LOXHD1: variants seen among roughly 807,000 people sequenced by gnomAD.
LOXHD1 encodes the protein lipoxygenase homology domain-containing protein 1.
A neutral mutation model predicts 248.2 loss-of-function variants in LOXHD1; 205 were observed. The ratio of observed to expected loss-of-function variants is 0.83; its 90% confidence interval spans 0.74 to 0.93. The LOEUF (loss-of-function observed/expected upper bound fraction) is 0.93. LOXHD1 is among the 40% of genes least tolerant of loss of function. The probability of loss-of-function intolerance (pLI) is 0.00; values close to 1 mark genes in which losing one functional copy is unlikely to be tolerated. For synonymous variants in LOXHD1, 1,113 were observed against 1,162.8 expected (o/e 0.96, Z 0.87); for missense variants, 2,930 against 2,971.6 (o/e 0.99, Z 0.33).
intron 21 of LOXHD1, among the ~76,000 whole-genome samples, chr18:46,549,741 C>T (rs187129565): frequency 6.6e-6 from 1 of 152,208 alleles, no homozygotes; most frequent in African/African-American, 2.4e-5. Flanking sequence ...TCCCACCCAA[C>T]ATATTTGCCA....
chr18:46,515,294 C>T (rs565914598), intron 34 of LOXHD1, among the ~76,000 whole-genome samples: 1 of 152,300 alleles, frequency 6.6e-6, no homozygotes, highest in South Asian at 2.1e-4. Flanking sequence ...GTCTTTCTAT[C>T]TATCTTCCTA....
intron 4 of LOXHD1, among the ~76,000 whole-genome samples, chr18:46,635,520 C>T (rs1320618198): frequency 1.3e-5 from 2 of 152,260 alleles, no homozygotes; most frequent in East Asian, 3.9e-4. Context: ...ATCCCTGGGC[C>T]TCTGTGCACC....
chr18:46,538,491 C>A (rs1026966805), intron 25 of LOXHD1, among the ~76,000 whole-genome samples, 154 bp from the exon 26 acceptor site: 4 of 152,204 alleles, frequency 2.6e-5, no homozygotes, highest in Admixed American at 2.0e-4. Context: ...TGGACCTTCA[C>A]AAGGTTGCCT....
chr18:46,615,972 GTTTCA>G (rs2038580780), intron 5 of LOXHD1, among the ~76,000 whole-genome samples: 1 of 152,114 alleles, frequency 6.6e-6, no homozygotes, highest in South Asian at 2.1e-4. Flanking sequence ...TTGCCTTAAA[GTTTCA>G]TTTGACAGAT....
chr18:46,483,807 G>T lies in LOXHD1; in HGVS notation c.6183-62C>A, dbSNP rs767226610. The T allele has an allele frequency of 9.3e-5, 141 of 1,513,470 alleles. No individual in the cohort carries two copies. The Admixed American group carries it at 1.1e-3, about 12-fold the overall frequency. The allele number at this position is 1,513,470 out of a possible 1,614,324, so 93.8% of individuals were successfully genotyped here. ...TGCCCACTGAAGCAGGTAAGCATTT[G>T]TCGGGGGCCTGCTGCATTCCAAGCA... On this transcript the variant is annotated intron_variant, in intron 39 of 40. Transcript: ENST00000642948.
chr18:46,512,050 G>C (rs141263387), intron 34 of LOXHD1, among the ~76,000 whole-genome samples: 11 of 152,242 alleles, frequency 7.2e-5, no homozygotes, highest in African/African-American at 2.6e-4. Flanking sequence ...GAGACATTTA[G>C]TGTATAGTTT....
intron 4 of LOXHD1, among the ~76,000 whole-genome samples, chr18:46,627,251 G>C (rs890023879): frequency 6.6e-6 from 1 of 152,196 alleles, no homozygotes. Flanking sequence ...GGAAGATTGA[G>C]AACCAGATGG....
At chr18:46,535,293 A>G (rs1329142779) in intron 26 of LOXHD1, among the ~76,000 whole-genome samples, 1 of 152,168 alleles carries the variant, frequency 6.6e-6, no homozygotes, top group Non-Finnish European at 1.5e-5. Flanking sequence ...CAAGGACAAA[A>G]GAGTGTTTCC....
intron 39 of LOXHD1, among the ~76,000 whole-genome samples, 186 bp downstream of exon 39, chr18:46,484,833 T>A (rs1188923813): frequency 6.6e-6 from 1 of 152,142 alleles, no homozygotes; most frequent in Non-Finnish European, 1.5e-5. Context: ...TCCCATGCTT[T>A]CCCTTTCACC....
At chr18:46,487,245 A>G (rs2033123536) in intron 38 of LOXHD1, among the ~76,000 whole-genome samples, 1 of 152,206 alleles carries the variant, frequency 6.6e-6, no homozygotes, top group African/African-American at 2.4e-5. Context: ...AAGGCAAGAC[A>G]GGAGAGGAGC....
At chr18:46,621,279 A>G (rs2038665070) in intron 4 of LOXHD1, among the ~76,000 whole-genome samples, 2 of 152,228 alleles carry the variant, frequency 1.3e-5, no homozygotes, top group African/African-American at 4.8e-5. Flanking sequence ...GATACACCTC[A>G]CGAAACCATT....
intron 2 of LOXHD1, among the ~76,000 whole-genome samples, chr18:46,644,686 C>T (rs1599072795): frequency 6.6e-6 from 1 of 152,058 alleles, no homozygotes; most frequent in Admixed American, 6.5e-5. Flanking sequence ...CTTGACACTG[C>T]ACTCCAGCCT....
chr18:46,595,667 T>C (rs546050382), intron 8 of LOXHD1, among the ~76,000 whole-genome samples: 19 of 152,310 alleles, frequency 1.2e-4, no homozygotes, highest in African/African-American at 4.6e-4. Context: ...TTGCACTCCA[T>C]TTTTTATGCT....
chr18:46,638,468 C>T (rs766573373), intron 4 of LOXHD1, among the ~76,000 whole-genome samples: 31 of 152,014 alleles, frequency 2.0e-4, no homozygotes, highest in Admixed American at 4.6e-4. Flanking sequence ...CTCGTCTCTA[C>T]GGTAAATACA....
At chr18:46,519,996 G>T (rs1229408567) in intron 33 of LOXHD1, among the ~76,000 whole-genome samples, 1 of 152,198 alleles carries the variant, frequency 6.6e-6, no homozygotes, top group Non-Finnish European at 1.5e-5. Flanking sequence ...ACTGCGTGGG[G>T]TGTGCATGTG....
At chr18:46,524,291 C>CAA (rs1252526242) in intron 31 of LOXHD1, among the ~76,000 whole-genome samples, 175 bp downstream of exon 31, 1 of 152,218 alleles carries the variant, frequency 6.6e-6, no homozygotes, top group Non-Finnish European at 1.5e-5. Flanking sequence ...TGCCCTCTCA[C>CAA]CTTGCAGGGT....
At chr18:46,584,234 G>A (rs183757016) in intron 12 of LOXHD1, among the ~76,000 whole-genome samples, 5 of 152,030 alleles carry the variant, frequency 3.3e-5, no homozygotes, top group South Asian at 4.1e-4. Flanking sequence ...GGGAAAGGAG[G>A]GGGGAGGAGA....
At chr18:46,584,899 T>C (rs944296827) in intron 12 of LOXHD1, among the ~76,000 whole-genome samples, 3 of 152,134 alleles carry the variant, frequency 2.0e-5, no homozygotes, top group Non-Finnish European at 2.9e-5. Flanking sequence ...GAGATACAAA[T>C]TGGCTTAACT....
intron 37 of LOXHD1, among the ~76,000 whole-genome samples, chr18:46,501,116 GATAT>G (rs1898121434): frequency 6.6e-6 from 1 of 152,158 alleles, no homozygotes. Context: ...GTACTCAATG[GATAT>G]ATAGTTGATC....
Sources: gnomAD v4.1 joint callset for allele counts (sites outside exome capture counted in the v4.1 genomes callset) on GRCh38, gnomAD v4.1.1 for gene constraint, MANE v1.5 for transcripts, NCBI Gene and HGNC (gene_info 2026-07-23, HGNC 2026-07-21) for gene names.